FHIP2A: variants seen among roughly 807,000 people sequenced by gnomAD.
The protein encoded by FHIP2A is family with sequence similarity 160 member B1.
In FHIP2A, 46 loss-of-function variants were observed where a neutral mutation model predicts 93.5. The observed-to-expected ratio is 0.49, with a 90% CI of 0.39 to 0.63. The LOEUF (loss-of-function observed/expected upper bound fraction) is 0.63. FHIP2A is among the 20% of genes least tolerant of loss of function. The probability of loss-of-function intolerance (pLI) is 0.00; values close to 1 mark genes in which losing one functional copy is unlikely to be tolerated. For missense variants in FHIP2A, 769 were observed against 909.7 expected (o/e 0.85, Z 1.99); for synonymous variants, 332 against 326.5 (o/e 1.02, Z -0.18).
rs763455649 is a variant in FHIP2A at position 114,846,225 on chromosome 10, G to T, written c.1256G>T (p.Arg419Leu). 6.2e-7 allele frequency: 1 copy of T among 1,614,106 alleles called. No individual in the cohort carries two copies. The highest frequency in any genetic ancestry group is 8.5e-7 in the Non-Finnish European group (1 of 1,180,030). Reference protein sequence around the residue: ...TSTALLHRIVRQVTSDVLLQE... With the variant: ...TSTALLHRIVLQVTSDVLLQE... ...ACTGCTCTGCTTCATCGCATCGTTCGGCAAGTGACCTCTGATGTTTTGCTT... is the reference window on the plus strand; with the variant it reads ...ACTGCTCTGCTTCATCGCATCGTTCTGCAAGTGACCTCTGATGTTTTGCTT... The change falls in exon 10 of 17, where the codon CGG (arginine) becomes CTG (leucine). Residue 419 changes from arginine (R) to leucine (L), a missense_variant. Transcript: ENST00000369248.
chr10:114,869,248 T>G (rs1294082790), downstream of FHIP2A, among the ~76,000 whole-genome samples: 1 of 152,204 alleles, frequency 6.6e-6, no homozygotes, highest in Non-Finnish European at 1.5e-5. Context: ...TTGATTAGAT[T>G]TCCCAAGAGA....
intron 16 of FHIP2A, among the ~76,000 whole-genome samples, chr10:114,890,161 G>A (rs918938289): frequency 5.9e-5 from 9 of 151,954 alleles, no homozygotes; most frequent in South Asian, 2.1e-4. Context: ...CCAAATAGCT[G>A]GGATTACAGG....
In FHIP2A at chr10:114,847,154, T is replaced by G; in HGVS notation, c.1633T>G (p.Trp545Gly). 2 of 1,613,264 alleles carry G rather than the reference T, an allele frequency of 1.2e-6. No homozygotes were observed. Among genetic ancestry groups the G allele is most frequent in the Non-Finnish European group, 1.7e-6 (2 of 1,179,326 alleles). ...AGAAAACACTTTGCCAAACCAAGAG[T>G]GGCTTAGTTCTTCACCTCCTGCTAC... is the stretch of plus-strand genomic sequence containing the variant. ...SPENTLPNQE[W>G]LSSSPPATPD... The change falls in exon 12 of 17, where the codon TGG becomes GGG. Residue 545 changes from tryptophan (W) to glycine (G), a missense_variant. Coordinates refer to ENST00000369248, the MANE Select transcript of FHIP2A (RefSeq NM_020940.4).
intron 14 of FHIP2A, among the ~76,000 whole-genome samples, chr10:114,856,130 TATTTATGTGAGC>T (rs1167195641): frequency 3.3e-4 from 50 of 152,318 alleles, no homozygotes; most frequent in African/African-American, 1.1e-3. Context: ...TTTAGTTAAA[TATTTATGTGAGC>T]ATAGGGAGTT....
chr10:114,845,592 A>G (rs1030528393), intron 8 of FHIP2A, 111 bp downstream of exon 8: 4 of 668,466 alleles, frequency 6.0e-6, no homozygotes, highest in Admixed American at 5.8e-5. Flanking sequence ...TTAGAATACC[A>G]TGGTTAGTAA....
intron 16 of FHIP2A, among the ~76,000 whole-genome samples, chr10:114,875,176 G>GTGCTGTGCTGCAGAAGGAC (rs1287233482): frequency 2.6e-5 from 4 of 152,188 alleles, no homozygotes; most frequent in Admixed American, 1.3e-4. Flanking sequence ...GGCGGAGGCA[G>GTGCTGTGCTGCAGAAGGAC]TGCTGTGCTG....
intron 16 of FHIP2A, among the ~76,000 whole-genome samples, chr10:114,874,908 A>G (rs2083876777): frequency 6.6e-6 from 1 of 152,184 alleles, no homozygotes; most frequent in Admixed American, 6.5e-5. Flanking sequence ...CTTTCTTCTG[A>G]CAGAAGCGGT....
At chr10:114,832,762 C>CGTCA (rs926863819) in intron 2 of FHIP2A, among the ~76,000 whole-genome samples, 14 of 146,780 alleles carry the variant, frequency 9.5e-5, no homozygotes, top group African/African-American at 3.6e-4. Context: ...CCCAGGCTGA[C>CGTCA]GTTCAGTGGT....
At chr10:114,876,201 T>C (rs926277676) in intron 16 of FHIP2A, among the ~76,000 whole-genome samples, 3 of 152,116 alleles carry the variant, frequency 2.0e-5, no homozygotes, top group African/African-American at 7.2e-5. Flanking sequence ...CTTCCTACGT[T>C]CCCACCTGAC....
At position 114,846,221 on chromosome 10, in the gene FHIP2A, G is replaced by A. The variant is rs770190816; in HGVS notation, c.1252G>A (p.Val418Ile). ...ATCCACTGCTCTGCTTCATCGCATC[G>A]TTCGGCAAGTGACCTCTGATGTTTT... ...LTSTALLHRIVRQVTSDVLLQ... is the reference protein window; with the variant it reads ...LTSTALLHRIIRQVTSDVLLQ... The change falls in exon 10 of 17, where the codon GTT becomes ATT. Residue 418 changes from valine to isoleucine, a missense_variant. Physicochemically the swap from Val to Ile is conservative, Grantham distance 29 (BLOSUM62 3). Transcript: ENST00000369248. 1.1e-5 allele frequency: 18 copies of A among 1,614,108 alleles called. No homozygotes were observed. Among genetic ancestry groups the A allele is most frequent in the Admixed American group, 1.0e-4 (6 of 60,004 alleles).
At chr10:114,859,913 A>G (rs1331040940) in intron 14 of FHIP2A, among the ~76,000 whole-genome samples, 1 of 152,162 alleles carries the variant, frequency 6.6e-6, no homozygotes, top group Non-Finnish European at 1.5e-5. Context: ...TTCTATCCCC[A>G]AGTACTTTCA....
chr10:114,827,272 C>T (rs2083582150), intron 1 of FHIP2A, among the ~76,000 whole-genome samples: 1 of 152,126 alleles, frequency 6.6e-6, no homozygotes, highest in African/African-American at 2.4e-5. Context: ...TTACACCTGG[C>T]ACATAACTAC....
chr10:114,855,162 G>T, intron 13 of FHIP2A, 35 bp from the exon 14 acceptor site: 1 of 1,576,314 alleles, frequency 6.3e-7, no homozygotes, highest in Non-Finnish European at 8.6e-7. Context: ...ATTTGTTTTT[G>T]TTCTTTAATG....
At chr10:114,878,814 A>AG (rs60035061) in intron 16 of FHIP2A, among the ~76,000 whole-genome samples, 1 of 151,472 alleles carries the variant, frequency 6.6e-6, no homozygotes, top group Non-Finnish European at 1.5e-5. Context: ...AAAGAAAGAA[A>AG]AGAAGCCTGG....
intron 14 of FHIP2A, among the ~76,000 whole-genome samples, chr10:114,859,462 T>C (rs1335116948): frequency 2.6e-5 from 4 of 152,180 alleles, no homozygotes; most frequent in Admixed American, 1.3e-4. Flanking sequence ...CTGGCTGATG[T>C]TGCACTTGGT....
chr10:114,830,726 A>T, intron 1 of FHIP2A, 126 bp from the exon 2 acceptor site: 1 of 503,368 alleles, frequency 2.0e-6, no homozygotes, highest in South Asian at 5.0e-5. Flanking sequence ...TATCTGACAT[A>T]TAAAAACAAA....
chr10:114,880,809 T>C (rs147915552), intron 16 of FHIP2A, among the ~76,000 whole-genome samples: 1 of 152,256 alleles, frequency 6.6e-6, no homozygotes, highest in Non-Finnish European at 1.5e-5. Context: ...CTGTAGGGCA[T>C]GAGACAGGCA....
intron 16 of FHIP2A, among the ~76,000 whole-genome samples, chr10:114,895,454 G>A (rs1444638938): frequency 6.6e-6 from 1 of 152,190 alleles, no homozygotes; most frequent in Non-Finnish European, 1.5e-5. Context: ...CATAAACTAT[G>A]AGTTGCTAAG....
At chr10:114,851,483 G>A (rs1185783118) in intron 13 of FHIP2A, among the ~76,000 whole-genome samples, 3 of 151,868 alleles carry the variant, frequency 2.0e-5, no homozygotes, top group African/African-American at 4.8e-5. Context: ...GGTATTTTCC[G>A]TGTATTGACT....
Sources: gnomAD v4.1 joint callset for allele counts (sites outside exome capture counted in the v4.1 genomes callset) on GRCh38, gnomAD v4.1.1 for gene constraint, MANE v1.5 for transcripts, NCBI Gene and HGNC (gene_info 2026-07-23, HGNC 2026-07-21) for gene names.